ZNF675: variants seen among roughly 807,000 people sequenced by gnomAD.
ZNF675 encodes the protein TRAF6 inhibitory zinc finger.
A neutral mutation model predicts 56.1 loss-of-function variants in ZNF675; 36 were observed. The observed-to-expected ratio is 0.64, with a 90% CI of 0.49 to 0.85. The LOEUF is 0.85. Ranked by LOEUF, ZNF675 falls within the 40% of genes least tolerant of loss-of-function variation. The pLI, the probability that ZNF675 is intolerant of heterozygous loss-of-function variation, is 0.00. For missense variants in ZNF675, 663 were observed against 654.2 expected (o/e 1.01, Z -0.15); for synonymous variants, 200 against 218.9 (o/e 0.91, Z 0.76).
At chr19:23,669,761 G>C (rs1275559397) in intron 1 of ZNF675, among the ~76,000 whole-genome samples, 1 of 151,954 alleles carries the variant, frequency 6.6e-6, no homozygotes, top group Non-Finnish European at 1.5e-5. Context: ...GCTGAGGCAG[G>C]AGAATCGCTT....
chr19:23,673,081 T>C (rs1968246950), intron 1 of ZNF675, among the ~76,000 whole-genome samples: 6 of 152,208 alleles, frequency 3.9e-5, no homozygotes. Flanking sequence ...AAAGACATAA[T>C]TGTGCTCTCA....
At chr19:23,658,855 A>ATCTATATCTC (rs1163127639) in intron 3 of ZNF675, among the ~76,000 whole-genome samples, 482 of 4,136 alleles carry the variant, frequency 0.12, 2 homozygotes, top group African/African-American at 0.19. Flanking sequence ...ATCTATATAG[A>ATCTATATCTC]TATAGAAATA....
At position 23,687,146 on chromosome 19, in the gene ZNF675, C is replaced by T; in HGVS notation, c.-113G>A. 1.5e-6 allele frequency: 2 copies of T among 1,307,148 alleles called. No individual in the cohort carries two copies. The highest frequency in any genetic ancestry group is 2.2e-6 in the Non-Finnish European group (2 of 917,006). 81.0% of individuals were successfully genotyped at this position (1,307,148 alleles called of 1,614,324 possible). A position where few individuals can be genotyped will look rare whatever the true frequency, so the allele number is the denominator to read the frequency against. ...AGCAGAGGACACAGAGCAATGAAAG[C>T]GAGACCTGGAGCTCCGGCTGCAGCG... On this transcript the variant is annotated 5_prime_UTR_variant, in exon 1 of 4. Coordinates refer to ENST00000359788, the MANE Select transcript of ZNF675 (RefSeq NM_138330.3).
chr19:23,667,431 G>A (rs1968167621), intron 1 of ZNF675, among the ~76,000 whole-genome samples: 1 of 152,128 alleles, frequency 6.6e-6, no homozygotes, highest in Non-Finnish European at 1.5e-5. Context: ...CCCACATCCT[G>A]CTGATTGGTA....
intron 1 of ZNF675, among the ~76,000 whole-genome samples, chr19:23,664,071 TA>T (rs2144930685): frequency 6.6e-6 from 1 of 152,306 alleles, no homozygotes; most frequent in South Asian, 2.1e-4. Flanking sequence ...TAAGAGTTTT[TA>T]TAAGTAGTTA....
intron 2 of ZNF675, among the ~76,000 whole-genome samples, chr19:23,662,683 A>G (rs1298497129): frequency 2.6e-5 from 4 of 152,224 alleles, no homozygotes; most frequent in Non-Finnish European, 5.9e-5. Flanking sequence ...ACGGTATATT[A>G]GAAACTGTCT....
At chr19:23,663,954 G>C (rs1454070121) in intron 1 of ZNF675, among the ~76,000 whole-genome samples, 1 of 152,136 alleles carries the variant, frequency 6.6e-6, no homozygotes, top group Non-Finnish European at 1.5e-5. Flanking sequence ...TAATATTGCA[G>C]ATTATAAAAT....
At chr19:23,665,759 A>C (rs944635887) in intron 1 of ZNF675, among the ~76,000 whole-genome samples, 1 of 152,138 alleles carries the variant, frequency 6.6e-6, no homozygotes, top group Non-Finnish European at 1.5e-5. Context: ...TTGGCCTCCC[A>C]AAGTGCTGGG....
chr19:23,685,636 C>T (rs1325466544), intron 1 of ZNF675, among the ~76,000 whole-genome samples: 1 of 152,082 alleles, frequency 6.6e-6, no homozygotes, highest in African/African-American at 2.4e-5. Flanking sequence ...TCTTTTTCTT[C>T]TCATAAAAAA....
intron 1 of ZNF675, among the ~76,000 whole-genome samples, chr19:23,674,270 T>TGG (rs375011814): frequency 6.6e-6 from 1 of 151,938 alleles, no homozygotes. Flanking sequence ...CCAAAAAGTT[T>TGG]ATTTACCTGT....
chr19:23,666,470 A>G (rs1377546730), intron 1 of ZNF675, among the ~76,000 whole-genome samples: 1 of 152,188 alleles, frequency 6.6e-6, no homozygotes, highest in African/African-American at 2.4e-5. Context: ...CCTCTAGGGG[A>G]TATCTGAACC....
intron 1 of ZNF675, among the ~76,000 whole-genome samples, chr19:23,676,794 GC>G (rs1968300471): frequency 6.7e-6 from 1 of 150,364 alleles, no homozygotes; most frequent in Non-Finnish European, 1.5e-5. Context: ...GCACAAGACG[GC>G]CGGGCGCGGT....
Position 23,653,746 on chromosome 19 carries a change from T to G in ZNF675, c.1187A>C (p.Tyr396Ser), listed in dbSNP as rs1461999903. 1 of 1,613,908 alleles carries G rather than the reference T, an allele frequency of 6.2e-7. No individual in the cohort carries two copies. The highest frequency in any genetic ancestry group is 2.2e-5 in the East Asian group (1 of 44,858). ...HRKIHTEEKP[Y>S]KCKECGKAFK... Reference sequence around the variant, plus strand: ...AGCTTTGCCACATTCTTTACATTTGTAGGGTTTCTCTTCGGTATGAATTTT... The same window carrying G: ...AGCTTTGCCACATTCTTTACATTTGGAGGGTTTCTCTTCGGTATGAATTTT... The change falls in exon 4 of 4, where the codon TAC (tyrosine) becomes TCC (serine). Residue 396 changes from tyrosine (Y) to serine (S), a missense_variant. Around this residue, in one of 3 missense-constraint regions of ZNF675, gnomAD observed 617 missense variants for 590.5 expected, o/e 1.04. Transcript: ENST00000359788.
At position 23,667,598 on chromosome 19, in the gene ZNF675, G is replaced by T. The variant is rs527565446; in HGVS notation, c.4-4440C>A. ...CACCAGAGTAGCTAGATAGAGTGTCGATTGGTGCACTCACAAACCCTGAGC... is the reference window on the plus strand; with the variant it reads ...CACCAGAGTAGCTAGATAGAGTGTCTATTGGTGCACTCACAAACCCTGAGC... On this transcript the variant is annotated intron_variant, in intron 1 of 3. Coordinates refer to ENST00000359788, the MANE Select transcript of ZNF675 (RefSeq NM_138330.3). Among the ~76,000 whole-genome samples the T allele has an allele frequency of 1.3e-3, 189 of 151,152 alleles. 2 individuals are homozygous for T. The highest frequency in any genetic ancestry group is 4.1e-3 in the African/African-American group (168 of 41,172).
rs1020183487 is a variant in ZNF675 at position 23,657,080 on chromosome 19, G to C, written c.227-2374C>G. 2.0e-5 allele frequency: 3 copies of C among 152,090 alleles called. No individual in the cohort carries two copies. The East Asian group carries it at 5.8e-4, about 29-fold the overall frequency. The allele number at this position is 152,090 out of a possible 1,614,324, so 9.4% of individuals were successfully genotyped here. A position where few individuals can be genotyped will look rare whatever the true frequency, so the allele number is the denominator to read the frequency against. On this transcript the variant is annotated intron_variant, in intron 3 of 3. Coordinates refer to ENST00000359788, the MANE Select transcript of ZNF675 (RefSeq NM_138330.3). ...CTCCCAAAAAGCTGGGACCACAGGT[G>C]CACACCACCATGCCTGGCTATTTTT...
intron 1 of ZNF675, among the ~76,000 whole-genome samples, chr19:23,663,395 A>G (rs188255992): frequency 2.0e-5 from 3 of 152,196 alleles, no homozygotes; most frequent in East Asian, 3.9e-4. Context: ...TTTCTAAATA[A>G]TAACATATAT....
intron 1 of ZNF675, among the ~76,000 whole-genome samples, chr19:23,685,338 G>A (rs1027115466): frequency 2.1e-4 from 32 of 152,070 alleles, no homozygotes; most frequent in Non-Finnish European, 4.3e-4. Context: ...TCCATTGAGA[G>A]GCTACACTCC....
intron 1 of ZNF675, among the ~76,000 whole-genome samples, chr19:23,666,544 G>A (rs1334469148): frequency 6.6e-6 from 1 of 152,156 alleles, no homozygotes; most frequent in Non-Finnish European, 1.5e-5. Context: ...ACTGCAGAGT[G>A]TAATTTCATT....
At chr19:23,661,865 T>G (rs1968083591) in intron 3 of ZNF675, 3 of 367,516 alleles carry the variant, frequency 8.2e-6, no homozygotes, top group Non-Finnish European at 1.5e-5. Context: ...TTGTATGCCA[T>G]GAAGCGGACA....
Sources: allele counts gnomAD v4.1 joint callset (sites outside exome capture counted in the v4.1 genomes callset), GRCh38; gene constraint gnomAD v4.1.1; regional missense constraint gnomAD v4.1.1; transcripts MANE v1.5; gene names NCBI Gene and HGNC (gene_info 2026-07-23, HGNC 2026-07-21).